The following STK10 variants were observed in gnomAD, a reference collection of about 807,000 sequenced individuals.
STK10 encodes the protein serine/threonine-protein kinase 10.
Under a neutral mutation model 113.8 loss-of-function variants are expected in STK10, and 78 were observed. The observed-to-expected ratio is 0.69, with a 90% CI of 0.57 to 0.83. The LOEUF is 0.83. STK10 is among the 40% of genes least tolerant of loss of function. The pLI is 0.00. For missense variants in STK10, 1,109 were observed against 1,280.1 expected (o/e 0.87, Z 2.04); for synonymous variants, 465 against 494.7 (o/e 0.94, Z 0.80).
At chr5:172,177,339 T>C (rs961968782) in intron 1 of STK10, among the ~76,000 whole-genome samples, 17 of 152,138 alleles carry the variant, frequency 1.1e-4, no homozygotes, top group Admixed American at 5.9e-4. Context: ...CTATGTGAAA[T>C]AAAATGTTTA....
At chr5:172,049,541 C>T (rs922945212) in intron 18 of STK10, among the ~76,000 whole-genome samples, 11 of 151,132 alleles carry the variant, frequency 7.3e-5, no homozygotes, top group Non-Finnish European at 1.3e-4. Context: ...ATGAGACTCA[C>T]GGGAGATAAG....
At chr5:172,074,420 G>T (rs1177860377) in intron 12 of STK10, among the ~76,000 whole-genome samples, 1 of 152,010 alleles carries the variant, frequency 6.6e-6, no homozygotes, top group Non-Finnish European at 1.5e-5. Context: ...TTTCACAAAG[G>T]TACAAAAGCA....
At chr5:172,070,539 A>G (rs1325404687) in intron 12 of STK10, among the ~76,000 whole-genome samples, 1 of 152,008 alleles carries the variant, frequency 6.6e-6, no homozygotes. Context: ...TTAAGTGCTT[A>G]AAGAATAGTC....
intron 7 of STK10, among the ~76,000 whole-genome samples, chr5:172,099,517 G>T (rs954711792): frequency 2.6e-5 from 4 of 152,142 alleles, no homozygotes; most frequent in Non-Finnish European, 4.4e-5. Context: ...CTTCAGCCTG[G>T]GTGACAAAGG....
intron 1 of STK10, 111 bp from the exon 2 acceptor site, chr5:172,156,899 A>C (rs1219242005): frequency 7.9e-7 from 1 of 1,271,000 alleles, no homozygotes; most frequent in Non-Finnish European, 1.1e-6. Flanking sequence ...GGATGTCCAG[A>C]TGCTGAACCG....
chr5:172,188,036 A>C lies in STK10; in HGVS notation c.7T>G (p.Phe3Val), dbSNP rs754913245. MA[F>V]ANFRRILRLS... ...CGCAGGATGCGGCGGAAATTGGCAA[A>C]AGCCATGGCCGGGGGCGCGGTGGCG... Residue 3 changes from phenylalanine (F) to valine (V), a missense_variant, in exon 1 of 19, where the codon TTT becomes GTT. Coordinates refer to ENST00000176763, the MANE Select transcript of STK10 (RefSeq NM_005990.4). This position sits in a 1 kb window ranked among gnomAD's most constrained non-coding sequence, Gnocchi z 5.6. The C allele has an allele frequency of 6.2e-7, 1 of 1,612,196 alleles. No individual in the cohort carries two copies. The highest frequency in any genetic ancestry group is 1.7e-5 in the Admixed American group (1 of 59,956).
intron 12 of STK10, among the ~76,000 whole-genome samples, chr5:172,067,371 G>GAATA (rs59853296): frequency 0.045 from 6,659 of 147,028 alleles, 183 homozygotes; most frequent in South Asian, 0.07. Context: ...TAAATAAATA[G>GAATA]AATAAATAAA....
In STK10 at chr5:172,149,175, A is replaced by G. The variant is rs1770151309; in HGVS notation, c.321+7449T>C. 2.0e-5 allele frequency among the ~76,000 whole-genome samples: 3 copies of G among 152,136 alleles called. No homozygotes were observed. In the South Asian group the frequency reaches 6.2e-4, roughly 31 times the overall value. On this transcript the variant is annotated intron_variant, in intron 2 of 18. Transcript: ENST00000176763. ...GAGCAATACAAAAGCAAACAAACAA[A>G]ACTCAATCCCACAGAACTGTGAGGA...
intron 4 of STK10, among the ~76,000 whole-genome samples, chr5:172,111,746 G>T (rs914679085): frequency 1.3e-5 from 2 of 152,232 alleles, no homozygotes; most frequent in Admixed American, 1.3e-4. Flanking sequence ...TAAAGAAAGA[G>T]ATCATTTCTG....
At chr5:172,076,077 T>A (rs975722312) in intron 12 of STK10, among the ~76,000 whole-genome samples, 2 of 152,206 alleles carry the variant, frequency 1.3e-5, no homozygotes, top group African/African-American at 4.8e-5. Flanking sequence ...CCTAATGGTC[T>A]TAGATCAGGG....
chr5:172,126,426 T>G (rs1769620658), intron 3 of STK10, among the ~76,000 whole-genome samples: 1 of 152,088 alleles, frequency 6.6e-6, no homozygotes, highest in Admixed American at 6.6e-5. Context: ...TAGCCGGGCA[T>G]GGTCGTGGGC....
chr5:172,111,603 C>T (rs1769239126), intron 4 of STK10, among the ~76,000 whole-genome samples: 1 of 152,202 alleles, frequency 6.6e-6, no homozygotes, highest in African/African-American at 2.4e-5. Context: ...TGCCCTTGAG[C>T]AATTCAAAAG....
chr5:172,107,713 G>C, intron 5 of STK10, 67 bp downstream of exon 5: 3 of 1,524,216 alleles, frequency 2.0e-6, no homozygotes, highest in Non-Finnish European at 2.7e-6. Context: ...TGTCTAAAGC[G>C]CCTGGTGGTC....
At chr5:172,083,929 A>G (rs1390082795) in intron 10 of STK10, among the ~76,000 whole-genome samples, 1 of 139,978 alleles carries the variant, frequency 7.1e-6, no homozygotes, top group Non-Finnish European at 1.5e-5. Context: ...AAAAAAGAAA[A>G]AAAAAAAAAA....
intron 2 of STK10, among the ~76,000 whole-genome samples, chr5:172,130,524 C>T (rs1484385579): frequency 7.1e-6 from 1 of 140,742 alleles, no homozygotes; most frequent in Non-Finnish European, 1.5e-5. Flanking sequence ...GAGCAAGACT[C>T]TGTCTCCAAA....
chr5:172,089,712 G>A (rs1768653119), intron 10 of STK10, among the ~76,000 whole-genome samples: 1 of 151,978 alleles, frequency 6.6e-6, no homozygotes, highest in Non-Finnish European at 1.5e-5. Flanking sequence ...GTGGATAGAT[G>A]GAAGGTGAGT....
intron 10 of STK10, 21 bp from the exon 11 acceptor site, chr5:172,083,105 G>C: frequency 6.2e-7 from 1 of 1,613,306 alleles, no homozygotes; most frequent in Non-Finnish European, 8.5e-7. Context: ...AAAGGATACA[G>C]ATATTTCACA....
intron 10 of STK10, 126 bp downstream of exon 10, chr5:172,090,105 CT>C: frequency 1.4e-6 from 2 of 1,386,770 alleles, no homozygotes; most frequent in Non-Finnish European, 2.0e-6. Context: ...AATGAGTTTC[CT>C]TTTGCCTCCT....
intron 10 of STK10, among the ~76,000 whole-genome samples, chr5:172,089,599 C>T (rs1357877130): frequency 5.3e-5 from 8 of 151,668 alleles, no homozygotes; most frequent in East Asian, 3.9e-4. Flanking sequence ...ATAAAATGGA[C>T]GGATGGGTGA....
Sources: gnomAD v4.1 joint callset for allele counts (sites outside exome capture counted in the v4.1 genomes callset) on GRCh38, gnomAD v4.1.1 for gene constraint, Gnocchi (gnomAD v3.1) non-coding constraint, MANE v1.5 for transcripts, NCBI Gene and HGNC (gene_info 2026-07-23, HGNC 2026-07-21) for gene names.